The following FANCA variants were observed in gnomAD, a reference collection of about 807,000 sequenced individuals.
FANCA encodes Fanconi anemia group A protein.
A neutral mutation model predicts 194.3 loss-of-function variants in FANCA; 236 were observed. The observed-to-expected ratio is 1.21, with a 90% CI of 1.09 to 1.35. FANCA has a LOEUF of 1.35. FANCA is among the 40% of genes most tolerant of loss of function. The probability of loss-of-function intolerance (pLI) is 0.00; values close to 1 mark genes in which losing one functional copy is unlikely to be tolerated. For synonymous variants in FANCA, 1,014 were observed against 715.8 expected, an observed-to-expected ratio of 1.42 and a Z score of -6.65; for missense variants, 2,628 against 1,813.9, an observed-to-expected ratio of 1.45 and a Z score of -8.15.
intron 10 of FANCA, chr16:89,798,796 T>TG (rs2040337490): frequency 2.1e-6 from 3 of 1,430,264 alleles, no homozygotes; most frequent in Non-Finnish European, 2.7e-6. Flanking sequence ...TCTAGAAATG[T>TG]GGGGGGCTGA....
intron 6 of FANCA, among the ~76,000 whole-genome samples, chr16:89,806,298 C>T (rs975810328): frequency 6.6e-6 from 1 of 151,320 alleles, no homozygotes; most frequent in African/African-American, 2.4e-5. Context: ...TAGAGTGCTC[C>T]ACAGTCAGTC....
At position 89,767,332 on chromosome 16, in the gene FANCA, C is replaced by T; in HGVS notation, c.2505-95G>A. 3.4e-6 allele frequency: 3 copies of T among 885,932 alleles called. No homozygotes were observed. In the South Asian group the frequency reaches 4.2e-5, roughly 12 times the overall value. The allele number at this position is 885,932 out of a possible 1,614,324, so 54.9% of individuals were successfully genotyped here. On this transcript the variant is annotated intron_variant, in intron 26 of 42. Transcript: ENST00000389301. ...GAATTTCATAAAACTGAATTTAGTG[C>T]ATTCCGAACTGGATGGCCTGAGCAT...
chr16:89,764,729 G>A (rs941332231), intron 28 of FANCA, 161 bp downstream of exon 28: 43 of 860,082 alleles, frequency 5.0e-5, no homozygotes, highest in East Asian at 3.7e-4. Flanking sequence ...CCCTAGACTC[G>A]AGACGAGGAG....
intron 24 of FANCA, 47 bp from the exon 25 acceptor site, chr16:89,770,306 C>T (rs766690556): frequency 1.4e-6 from 2 of 1,455,994 alleles, no homozygotes; most frequent in Non-Finnish European, 1.9e-6. Flanking sequence ...TTCAGTCCTG[C>T]ACATCCCTCC....
chr16:89,805,211 A>G, intron 7 of FANCA, 69 bp downstream of exon 7: 1 of 1,219,382 alleles, frequency 8.2e-7, no homozygotes, highest in Non-Finnish European at 1.2e-6. Context: ...AGAGCTCTTG[A>G]GAGCAGAAGG....
intron 20 of FANCA, among the ~76,000 whole-genome samples, chr16:89,776,896 G>A (rs1420297863): frequency 6.6e-6 from 1 of 152,054 alleles, no homozygotes; most frequent in African/African-American, 2.4e-5. Context: ...TAGCAAATTA[G>A]TAAGAGGGAA....
chr16:89,787,420 G>A (rs891393971), intron 14 of FANCA, among the ~76,000 whole-genome samples: 2 of 152,234 alleles, frequency 1.3e-5, no homozygotes, highest in East Asian at 3.9e-4. Flanking sequence ...CTACTCAGGA[G>A]GCTGTGGCAG....
chr16:89,739,533 G>C lies in FANCA; in HGVS notation c.3955C>G (p.Leu1319Val). The stretch of plus-strand genomic sequence containing the variant: ...TGCTGATCCGGGGCCACACGGAGGA[G>C]GAGCCGCCCCAGCCTGAGGTCTGCA... ...TESDLRLGRL[L>V]LRVAPDQHTR... The change falls in exon 40 of 43, where the codon CTC (leucine) becomes GTC (valine). Residue 1319 changes from leucine to valine, a missense_variant. Coordinates refer to ENST00000389301, the MANE Select transcript of FANCA (RefSeq NM_000135.4). 6.4e-7 allele frequency: 1 copy of C among 1,551,392 alleles called. No individual in the cohort carries two copies. The highest frequency in any genetic ancestry group is 8.7e-7 in the Non-Finnish European group (1 of 1,147,054).
chr16:89,770,736 C>G (rs926760265), intron 23 of FANCA, 102 bp from the exon 24 acceptor site: 105 of 1,018,398 alleles, frequency 1.0e-4, no homozygotes, highest in Admixed American at 6.4e-4. Context: ...TTCTGCTTTG[C>G]AAAAAGACCT....
At chr16:89,812,666 A>AAAACAAAAC (rs2040940492) in intron 3 of FANCA, among the ~76,000 whole-genome samples, 4 of 147,780 alleles carry the variant, frequency 2.7e-5, no homozygotes, top group African/African-American at 1.0e-4. Flanking sequence ...AAAAAAAAAA[A>AAAACAAAAC]AAAACTGTTA....
chr16:89,739,548 T>A lies in FANCA; in HGVS notation c.3940A>T (p.Arg1314Trp). The A allele has an allele frequency of 6.4e-7, 1 of 1,551,228 alleles. No homozygotes were observed. Among genetic ancestry groups the A allele is most frequent in the South Asian group, 1.2e-5 (1 of 84,060 alleles). The change falls in exon 40 of 43, where the codon AGG becomes TGG. Residue 1314 changes from arginine to tryptophan, a missense_variant. Arg to Trp is a moderately radical substitution (Grantham distance 101). Transcript: ENST00000389301. ...ACACGGAGGAGGAGCCGCCCCAGCC[T>A]GAGGTCTGCAACACCAAGAAGTGGC... ...ALFQLTESDL[R>W]LGRLLLRVAP...
chr16:89,773,340 G>T lies in FANCA; in HGVS notation c.1945C>A (p.Pro649Thr). The change falls in exon 22 of 43, where the codon CCC becomes ACC. Residue 649 changes from proline to threonine, a missense_variant. Physicochemically the swap from Pro to Thr is conservative, Grantham distance 38. Coordinates refer to ENST00000389301, the MANE Select transcript of FANCA (RefSeq NM_000135.4). ...VRAEPNSAEEPLGQLTAALGE... is the reference protein window; with the variant it reads ...VRAEPNSAEETLGQLTAALGE... The stretch of plus-strand genomic sequence containing the variant: ...AGTGCAGCTGTGAGCTGTCCCAGGG[G>T]CTCCTCAGCAGAGTTGGGTTCTGCC... The T allele has an allele frequency of 6.4e-7, 1 of 1,551,570 alleles. No individual in the cohort carries two copies. The highest frequency in any genetic ancestry group is 8.7e-7 in the Non-Finnish European group (1 of 1,146,968).
chr16:89,771,221 G>A (rs929461510), intron 23 of FANCA, among the ~76,000 whole-genome samples: 1 of 151,020 alleles, frequency 6.6e-6, no homozygotes, highest in African/African-American at 2.4e-5. Flanking sequence ...CACTTTGGGA[G>A]GCTGAGGCAG....
At chr16:89,752,572 T>C (rs1805101949) in intron 30 of FANCA, among the ~76,000 whole-genome samples, 1 of 152,238 alleles carries the variant, frequency 6.6e-6, no homozygotes, top group Non-Finnish European at 1.5e-5. Flanking sequence ...TATGATTACA[T>C]ATGAATATCA....
In FANCA at chr16:89,804,896, G is replaced by C. The variant is rs536428555; in HGVS notation, c.709+384C>G. Among the ~76,000 whole-genome samples, 2 of 152,200 alleles carry C rather than the reference G, an allele frequency of 1.3e-5. 1 individual carries two copies. The highest frequency in any genetic ancestry group is 4.8e-5 in the African/African-American group (2 of 41,528). Reference sequence around the variant, plus strand: ...AAAATACAAAAAAAAAATTAGCCGGGCATGGTGCCACGTGCCTGCAGTCCC... The same window carrying C: ...AAAATACAAAAAAAAAATTAGCCGGCCATGGTGCCACGTGCCTGCAGTCCC... On this transcript the variant is annotated intron_variant, in intron 7 of 42. Transcript: ENST00000389301.
chr16:89,798,225 A>G (rs1406037401), intron 10 of FANCA: 2 of 477,874 alleles, frequency 4.2e-6, no homozygotes, highest in South Asian at 1.8e-4. Context: ...CCTCACCAGA[A>G]CCCAACCCTA....
In FANCA at chr16:89,791,387, T is replaced by C. The variant is rs200016746; in HGVS notation, c.1359+16A>G. On this transcript the variant is annotated intron_variant, in intron 14 of 42. Coordinates refer to ENST00000389301, the MANE Select transcript of FANCA (RefSeq NM_000135.4). ...GGAAGATCAGGTATTAGGTAGCCGATTGGCAGGTCACTTACCTTGAACCAG... is the reference window on the plus strand; with the variant it reads ...GGAAGATCAGGTATTAGGTAGCCGACTGGCAGGTCACTTACCTTGAACCAG... 87 of 1,613,330 alleles carry C rather than the reference T, an allele frequency of 5.4e-5. 1 individual carries two copies. The Middle Eastern group carries it at 2.0e-3, about 37-fold the overall frequency.
chr16:89,765,901 G>A lies in FANCA; in HGVS notation c.2602-835C>T, dbSNP rs17233183. Among the ~76,000 whole-genome samples the A allele has an allele frequency of 7.6e-3, 1,154 of 152,270 alleles. 60 individuals carry two copies. The highest frequency in any genetic ancestry group is 0.07 in the Admixed American group (1,074 of 15,292). ...TCCTCAGGGGCTGCTCCCAGATTCT[G>A]ACTTAATTTATCTGGAAAGGGGCCA... On this transcript the variant is annotated intron_variant, in intron 27 of 42. Coordinates refer to ENST00000389301, the MANE Select transcript of FANCA (RefSeq NM_000135.4).
intron 17 of FANCA, among the ~76,000 whole-genome samples, chr16:89,781,829 C>G (rs1364680902): frequency 1.3e-5 from 2 of 149,956 alleles, no homozygotes; most frequent in Non-Finnish European, 3.0e-5. Context: ...GAAACCTCAT[C>G]TCTACTAAAA....
Sources: allele counts gnomAD v4.1 joint callset (sites outside exome capture counted in the v4.1 genomes callset), GRCh38; gene constraint gnomAD v4.1.1; transcripts MANE v1.5; gene names NCBI Gene and HGNC (gene_info 2026-07-23, HGNC 2026-07-21).